GRID1: variants seen among roughly 807,000 people sequenced by gnomAD.
GRID1 encodes glutamate ionotropic receptor delta type subunit 1, also known as glutamate receptor ionotropic, delta-1.
Under a neutral mutation model 98.0 loss-of-function variants are expected in GRID1, and 28 were observed. That is an observed-to-expected ratio of 0.29 (90% CI 0.21 to 0.39). The LOEUF is 0.39. GRID1 is among the 10% of genes least tolerant of loss of function. The pLI is 1.00. For synonymous variants in GRID1, 553 were observed against 538.5 expected, an observed-to-expected ratio of 1.03 and a Z score of -0.37; for missense variants, 1,111 against 1,340.5, an observed-to-expected ratio of 0.83 and a Z score of 2.67.
chr10:85,768,154 C>A (rs978916369), intron 8 of GRID1, among the ~76,000 whole-genome samples: 1 of 152,020 alleles, frequency 6.6e-6, no homozygotes, highest in South Asian at 2.1e-4. Context: ...ATGACCAACC[C>A]CTAAGGAAGT....
intron 2 of GRID1, among the ~76,000 whole-genome samples, chr10:86,300,577 G>A (rs9421524): frequency 0.039 from 5,429 of 139,830 alleles, 227 homozygotes; most frequent in Admixed American, 0.12. Context: ...CAAAATACCT[G>A]GAAAGAGCTT....
intron 8 of GRID1, among the ~76,000 whole-genome samples, chr10:85,831,764 A>G (rs1046285836): frequency 2.6e-5 from 4 of 152,168 alleles, no homozygotes; most frequent in Non-Finnish European, 4.4e-5. Flanking sequence ...TTTGAGCTGG[A>G]TAACATTGAA....
chr10:86,293,149 T>C (rs1847540097), intron 2 of GRID1, among the ~76,000 whole-genome samples: 1 of 152,060 alleles, frequency 6.6e-6, no homozygotes, highest in Admixed American at 6.5e-5. Flanking sequence ...TGTGGGAGGG[T>C]CTCAAGAAGC....
intron 8 of GRID1, among the ~76,000 whole-genome samples, chr10:85,787,465 G>A (rs542295288): frequency 6.6e-6 from 1 of 152,228 alleles, no homozygotes; most frequent in African/African-American, 2.4e-5. Context: ...CCTCCCTGCT[G>A]GATTTGAAAA....
chr10:85,867,846 C>A (rs1843236721), intron 6 of GRID1, among the ~76,000 whole-genome samples: 1 of 152,258 alleles, frequency 6.6e-6, no homozygotes, highest in African/African-American at 2.4e-5. Context: ...GTTTCCACCT[C>A]AACCAAGAAA....
chr10:85,701,228 TA>T (rs1841447868), intron 12 of GRID1, among the ~76,000 whole-genome samples: 2 of 152,166 alleles, frequency 1.3e-5, no homozygotes, highest in Non-Finnish European at 2.9e-5. Flanking sequence ...TTCTTATATT[TA>T]CAGAGACAAA....
intron 8 of GRID1, among the ~76,000 whole-genome samples, chr10:85,804,160 A>C (rs1175555137): frequency 6.6e-6 from 1 of 151,758 alleles, no homozygotes; most frequent in African/African-American, 2.4e-5. Context: ...AAAAAAATGA[A>C]AAAAAAGCAT....
intron 4 of GRID1, among the ~76,000 whole-genome samples, chr10:85,966,644 G>T (rs1050607775): frequency 1.3e-5 from 2 of 151,910 alleles, no homozygotes; most frequent in Non-Finnish European, 2.9e-5. Context: ...CAAAACCCTA[G>T]CTCTACTAAA....
chr10:85,761,611 G>T (rs1842147951), intron 8 of GRID1, among the ~76,000 whole-genome samples: 1 of 152,182 alleles, frequency 6.6e-6, no homozygotes, highest in Non-Finnish European at 1.5e-5. Context: ...GGCCCCTAAA[G>T]AAGAGGCAAT....
chr10:85,904,683 C>A, intron 5 of GRID1, among the ~76,000 whole-genome samples: 1 of 150,938 alleles, frequency 6.6e-6, no homozygotes. Flanking sequence ...AACTCAAAAA[C>A]TTCTAGAAAT....
intron 3 of GRID1, among the ~76,000 whole-genome samples, chr10:86,139,383 ATCCCCAG>A (rs1304897914): frequency 2.6e-5 from 4 of 152,126 alleles, no homozygotes; most frequent in Admixed American, 1.3e-4. Context: ...TGGCCCTAGC[ATCCCCAG>A]TCCCCTTCAC....
rs185405851 is a variant in GRID1 at position 86,146,223 on chromosome 10, A to C, written c.521-7199T>G. Among the ~76,000 whole-genome samples the C allele has an allele frequency of 2.4e-4, 36 of 152,326 alleles. No individual in the cohort carries two copies. In the East Asian group the frequency reaches 4.6e-3, roughly 20 times the overall value. ...TCACACGCAGAAGAAATTCACAGTTAAAAGTGTTTTTGGATTATTGGCAAA... is the reference window on the plus strand; with the variant it reads ...TCACACGCAGAAGAAATTCACAGTTCAAAGTGTTTTTGGATTATTGGCAAA... On this transcript the variant is annotated intron_variant, in intron 3 of 15. Transcript: ENST00000327946.
At chr10:85,671,198 T>C (rs1037981902) in intron 12 of GRID1, among the ~76,000 whole-genome samples, 2 of 152,366 alleles carry the variant, frequency 1.3e-5, no homozygotes, top group Non-Finnish European at 2.9e-5. Flanking sequence ...GTCATCTGAC[T>C]ATGGTAGCAC....
At chr10:86,080,058 G>A (rs1222782724) in intron 4 of GRID1, among the ~76,000 whole-genome samples, 1 of 152,150 alleles carries the variant, frequency 6.6e-6, no homozygotes, top group African/African-American at 2.4e-5. Context: ...TAAGGGCCTG[G>A]CACGGTGGCT....
At chr10:86,107,430 C>G (rs1330251621) in intron 4 of GRID1, among the ~76,000 whole-genome samples, 2 of 152,166 alleles carry the variant, frequency 1.3e-5, no homozygotes, top group African/African-American at 2.4e-5. Context: ...CACAGGGTGG[C>G]CCAAACCTTG....
intron 4 of GRID1, among the ~76,000 whole-genome samples, chr10:85,941,068 A>C (rs1418396): frequency 0.27 from 40,407 of 152,088 alleles, 5,593 homozygotes; most frequent in South Asian, 0.39. Flanking sequence ...GCTTTTCATC[A>C]ATCTGTGATG....
At chr10:86,075,246 A>C (rs977997650) in intron 4 of GRID1, among the ~76,000 whole-genome samples, 5 of 145,872 alleles carry the variant, frequency 3.4e-5, no homozygotes, top group African/African-American at 1.3e-4. Context: ...ATCTGGAAAT[A>C]GGGTTTTTAC....
intron 8 of GRID1, among the ~76,000 whole-genome samples, chr10:85,758,401 C>A (rs973314486): frequency 6.6e-6 from 1 of 152,176 alleles, no homozygotes; most frequent in Non-Finnish European, 1.5e-5. Context: ...TGACTTCACT[C>A]ACATGGCTGG....
At chr10:86,216,082 T>C (rs1846173641) in intron 2 of GRID1, among the ~76,000 whole-genome samples, 2 of 152,226 alleles carry the variant, frequency 1.3e-5, no homozygotes, top group Admixed American at 1.3e-4. Context: ...CTCCCGAAAA[T>C]CCACCTCAAA....
Sources: allele counts gnomAD v4.1 joint callset (sites outside exome capture counted in the v4.1 genomes callset), GRCh38; gene constraint gnomAD v4.1.1; transcripts MANE v1.5; gene names NCBI Gene and HGNC (gene_info 2026-07-23, HGNC 2026-07-21).